CDK17: variants seen among roughly 807,000 people sequenced by gnomAD.
The protein encoded by CDK17 is cyclin dependent kinase 17.
A neutral mutation model predicts 77.6 loss-of-function variants in CDK17; 24 were observed. That is an observed-to-expected ratio of 0.31 (90% CI 0.22 to 0.44). The LOEUF is 0.44. Ranked by LOEUF, CDK17 falls within the 20% of genes least tolerant of loss-of-function variation. The pLI, the probability that CDK17 is intolerant of heterozygous loss-of-function variation, is 1.00. For missense variants in CDK17, 429 were observed against 622.5 expected (o/e 0.69, Z 3.31); for synonymous variants, 203 against 210.4 (o/e 0.96, Z 0.30).
At chr12:96,343,444 T>C (rs956260541) in intron 1 of CDK17, among the ~76,000 whole-genome samples, 2 of 152,344 alleles carry the variant, frequency 1.3e-5, no homozygotes, top group South Asian at 4.1e-4. Context: ...TTGAATATTT[T>C]GGTCAGTTTG....
At chr12:96,393,421 A>G (rs1448346081) in intron 1 of CDK17, among the ~76,000 whole-genome samples, 1 of 151,316 alleles carries the variant, frequency 6.6e-6, no homozygotes, top group Non-Finnish European at 1.5e-5. Context: ...AAGTCTAAGG[A>G]ATCCAATTTT....
At chr12:96,300,423 G>A (rs527461009) in intron 5 of CDK17, 63 bp from the exon 6 acceptor site, 33 of 937,892 alleles carry the variant, frequency 3.5e-5, no homozygotes, top group East Asian at 2.1e-4. Flanking sequence ...AGACAGCATC[G>A]TCTCACTCTG....
chr12:96,328,930 A>T (rs1404539526), intron 2 of CDK17, among the ~76,000 whole-genome samples: 3 of 152,214 alleles, frequency 2.0e-5, no homozygotes, highest in Non-Finnish European at 4.4e-5. Flanking sequence ...ATATTCTAAC[A>T]CTTCCAGAAC....
intron 10 of CDK17, among the ~76,000 whole-genome samples, chr12:96,290,837 T>C (rs1319819069): frequency 6.6e-6 from 1 of 152,228 alleles, no homozygotes; most frequent in African/African-American, 2.4e-5. Flanking sequence ...CTATGGTGTT[T>C]GTGTACATGG....
In CDK17 at chr12:96,355,696, G is replaced by A. The variant is rs543498654; in HGVS notation, c.-29-20831C>T. 7.2e-5 allele frequency among the ~76,000 whole-genome samples: 11 copies of A among 152,188 alleles called. No homozygotes were observed. The East Asian group carries it at 1.9e-3, about 27-fold the overall frequency. ...GCTGGGATTACAGGCGTGAGCCAAC[G>A]TGCCCGGCATATATTGGTCTATTGT... On this transcript the variant is annotated intron_variant, in intron 1 of 16. Coordinates refer to ENST00000261211, the MANE Select transcript of CDK17 (RefSeq NM_002595.5).
intron 1 of CDK17, among the ~76,000 whole-genome samples, chr12:96,389,794 C>T (rs1464319507): frequency 2.0e-5 from 3 of 151,398 alleles, no homozygotes; most frequent in South Asian, 2.1e-4. Context: ...ACTTATAACA[C>T]ACCTACTATA....
intron 1 of CDK17, among the ~76,000 whole-genome samples, chr12:96,347,280 G>A (rs955843212): frequency 6.6e-6 from 1 of 151,954 alleles, no homozygotes; most frequent in Non-Finnish European, 1.5e-5. Flanking sequence ...AATACAGGAC[G>A]TGGCTGGGTG....
Position 96,371,934 on chromosome 12 carries a change from G to A in CDK17, c.-30+28052C>T, listed in dbSNP as rs1362491552. 2.0e-5 allele frequency among the ~76,000 whole-genome samples: 3 copies of A among 152,094 alleles called. No homozygotes were observed. The East Asian group carries it at 5.8e-4, about 29-fold the overall frequency. The stretch of plus-strand genomic sequence containing the variant: ...AATGTTCTTAGCATACTTGGCACAA[G>A]GTAAATATGAATTTGCTTATCATGT... On this transcript the variant is annotated intron_variant, in intron 1 of 16. Coordinates refer to ENST00000261211, the MANE Select transcript of CDK17 (RefSeq NM_002595.5).
intron 1 of CDK17, among the ~76,000 whole-genome samples, chr12:96,335,863 C>CT (rs1407995805): frequency 6.6e-6 from 1 of 152,172 alleles, no homozygotes. Context: ...GATGAGCTGG[C>CT]TTACCAGATT....
chr12:96,366,436 C>A (rs772280343), intron 1 of CDK17, among the ~76,000 whole-genome samples: 4 of 152,146 alleles, frequency 2.6e-5, no homozygotes, highest in Admixed American at 6.5e-5. Flanking sequence ...CAGCCGCTAT[C>A]ATATATCTCA....
chr12:96,358,733 G>T (rs1953446516), intron 1 of CDK17, among the ~76,000 whole-genome samples: 1 of 152,138 alleles, frequency 6.6e-6, no homozygotes, highest in Non-Finnish European at 1.5e-5. Flanking sequence ...GCTGAGGCAG[G>T]AGAATTGCTT....
chr12:96,389,835 GTT>G (rs144451889), intron 1 of CDK17, among the ~76,000 whole-genome samples: 80 of 138,320 alleles, frequency 5.8e-4, no homozygotes, highest in Non-Finnish European at 5.5e-4. Flanking sequence ...TTTGTTTTTT[GTT>G]TTTTTTTTTT....
chr12:96,314,928 G>GC (rs1283888982), intron 3 of CDK17, among the ~76,000 whole-genome samples: 2 of 152,046 alleles, frequency 1.3e-5, no homozygotes, highest in Admixed American at 1.3e-4. Context: ...TGACTACTGT[G>GC]CCCCCACCCA....
rs1201314413 is a variant in CDK17, at chr12:96,278,398, A to G, written c.*1844T>C. 6.6e-6 allele frequency: 1 copy of G among 152,168 alleles called. No homozygotes were observed. The highest frequency in any genetic ancestry group is 1.5e-5 in the Non-Finnish European group (1 of 67,990). The allele number at this position is 152,168 out of a possible 1,614,324, so 9.4% of individuals were successfully genotyped here. A position where few individuals can be genotyped will look rare whatever the true frequency, so the allele number is the denominator to read the frequency against. ...GAGAGTGCTATAAAAAAAACCCAGC[A>G]GAAATTACTAAGCAAATGATTGGCA... On this transcript the variant is annotated 3_prime_UTR_variant, in exon 17 of 17. Transcript: ENST00000261211.
At chr12:96,377,291 T>G (rs894833592) in intron 1 of CDK17, among the ~76,000 whole-genome samples, 1 of 152,028 alleles carries the variant, frequency 6.6e-6, no homozygotes, top group African/African-American at 2.4e-5. Context: ...AAAGAAAAAA[T>G]TACTTCACCA....
intron 1 of CDK17, among the ~76,000 whole-genome samples, chr12:96,381,684 C>A (rs1953885263): frequency 6.6e-6 from 1 of 151,038 alleles, no homozygotes; most frequent in South Asian, 2.1e-4. Flanking sequence ...TTTTGCCACA[C>A]TAGATATTAA....
At chr12:96,339,896 C>A (rs1351429835) in intron 1 of CDK17, among the ~76,000 whole-genome samples, 1 of 151,962 alleles carries the variant, frequency 6.6e-6, no homozygotes, top group Non-Finnish European at 1.5e-5. Flanking sequence ...CACTGCACTC[C>A]AGCCTGGGTG....
intron 1 of CDK17, among the ~76,000 whole-genome samples, chr12:96,394,295 T>C (rs767459711): frequency 4.6e-5 from 7 of 152,028 alleles, no homozygotes; most frequent in Non-Finnish European, 1.0e-4. Flanking sequence ...GTTTACATTA[T>C]TGAATATTAA....
chr12:96,323,322 G>A (rs1184666838), intron 3 of CDK17, among the ~76,000 whole-genome samples: 5 of 151,556 alleles, frequency 3.3e-5, no homozygotes, highest in South Asian at 2.1e-4. Context: ...CAGGCGTAGC[G>A]GCATGCACAG....
Sources: gnomAD v4.1 joint callset for allele counts (sites outside exome capture counted in the v4.1 genomes callset) on GRCh38, gnomAD v4.1.1 for gene constraint, MANE v1.5 for transcripts, NCBI Gene and HGNC (gene_info 2026-07-23, HGNC 2026-07-21) for gene names.